The following PRKD1 variants were observed in gnomAD, a reference collection of about 807,000 sequenced individuals.
PRKD1 encodes serine/threonine-protein kinase D1.
Under a neutral mutation model 95.9 loss-of-function variants are expected in PRKD1, and 63 were observed. That is an observed-to-expected ratio of 0.66 (90% CI 0.54 to 0.81). The LOEUF (loss-of-function observed/expected upper bound fraction) is 0.81. PRKD1 is among the 30% of genes least tolerant of loss of function. The probability of loss-of-function intolerance (pLI) is 0.00; values close to 1 mark genes in which losing one functional copy is unlikely to be tolerated. For missense variants in PRKD1, 1,048 were observed against 1,165.3 expected (o/e 0.90, Z 1.47); for synonymous variants, 425 against 423.1 (o/e 1.00, Z -0.05).
At chr14:29,826,846 T>TATATATATACATATATATATACACAC in intron 1 of PRKD1, among the ~76,000 whole-genome samples, 1 of 51,780 alleles carries the variant, frequency 1.9e-5, no homozygotes, top group Non-Finnish European at 3.2e-5. Context: ...TATACACACA[T>TATATATATACATATATATATACACAC]ATATATATAT....
chr14:29,690,900 C>G (rs1884193684), intron 2 of PRKD1, among the ~76,000 whole-genome samples: 1 of 152,120 alleles, frequency 6.6e-6, no homozygotes, highest in African/African-American at 2.4e-5. Flanking sequence ...CTCTTAACTT[C>G]CCTTTTCTCT....
At chr14:29,874,686 A>G (rs115254963) in intron 1 of PRKD1, among the ~76,000 whole-genome samples, 1,672 of 152,310 alleles carry the variant, frequency 0.011, 26 homozygotes, top group African/African-American at 0.039. Flanking sequence ...GTCATTTGCA[A>G]CAACATGGAC....
intron 1 of PRKD1, among the ~76,000 whole-genome samples, chr14:29,845,148 T>C (rs1358421984): frequency 6.6e-6 from 1 of 152,210 alleles, no homozygotes; most frequent in East Asian, 1.9e-4. Context: ...TTTTCTACAA[T>C]GCTGGATAAT....
chr14:29,663,607 C>T, intron 4 of PRKD1, 92 bp downstream of exon 4: 2 of 1,438,472 alleles, frequency 1.4e-6, no homozygotes, highest in Non-Finnish European at 1.9e-6. Context: ...TGCATTCTCC[C>T]TCCTAGCGCC....
rs936053087 is a variant in PRKD1 at position 29,576,586 on chromosome 14, A to T, written c.*652T>A. 3 of 153,896 alleles carry T rather than the reference A, an allele frequency of 1.9e-5. No individual in the cohort carries two copies. The highest frequency in any genetic ancestry group is 2.0e-4 in the South Asian group (1 of 4,896). 9.5% of individuals were successfully genotyped at this position (153,896 alleles called of 1,614,324 possible). A position where few individuals can be genotyped will look rare whatever the true frequency, so the allele number is the denominator to read the frequency against. ...AGTATTATAAGAAAGAGGGAAATGT[A>T]TCTGTTATATATGGCAGTTTACATT... On this transcript the variant is annotated 3_prime_UTR_variant, in exon 18 of 18. Transcript: ENST00000331968.
Position 29,785,833 on chromosome 14 carries a change from TA to T in PRKD1, c.265-60160del, listed in dbSNP as rs1016053730. Among the ~76,000 whole-genome samples, 84 of 141,728 alleles carry T rather than the reference TA, an allele frequency of 5.9e-4. 2 individuals are homozygous for T. In the East Asian group the frequency reaches 0.01, roughly 17 times the overall value. 93.0% of individuals were successfully genotyped at this position (141,728 alleles called of 152,430 possible). A position where few individuals can be genotyped will look rare whatever the true frequency, so the allele number is the denominator to read the frequency against. On this transcript the variant is annotated intron_variant, in intron 1 of 17. Transcript: ENST00000331968. ...AACTTAAAGTATAATCATAATAAAATAAAATAAATAAATAAATAAATAAATA... is the reference window on the plus strand; with the variant it reads ...AACTTAAAGTATAATCATAATAAAATAAATAAATAAATAAATAAATAAATA...
intron 1 of PRKD1, among the ~76,000 whole-genome samples, chr14:29,763,736 G>A (rs1888131780): frequency 6.6e-6 from 1 of 152,088 alleles, no homozygotes; most frequent in Non-Finnish European, 1.5e-5. Context: ...ACTGGAGGGG[G>A]AACTGAGCAC....
chr14:29,769,279 T>C (rs1200501556), intron 1 of PRKD1, among the ~76,000 whole-genome samples: 3 of 151,984 alleles, frequency 2.0e-5, no homozygotes, highest in Non-Finnish European at 4.4e-5. Flanking sequence ...AATAAAAGAA[T>C]CCATGCCAGC....
chr14:29,632,748 T>C lies in PRKD1; in HGVS notation c.1392+121A>G, dbSNP rs548166949. 7 of 851,568 alleles carry C rather than the reference T, an allele frequency of 8.2e-6. No individual in the cohort carries two copies. In the East Asian group the frequency reaches 1.0e-4, roughly 12 times the overall value. The allele number at this position is 851,568 out of a possible 1,614,324, so 52.8% of individuals were successfully genotyped here. On this transcript the variant is annotated intron_variant, in intron 9 of 17. Transcript: ENST00000331968. Reference sequence around the variant, plus strand: ...ACTATAGAGAAGAAAAAAAAAATAGTTCCTGGAGGAAGCACAAAAATAGCC... The same window carrying C: ...ACTATAGAGAAGAAAAAAAAAATAGCTCCTGGAGGAAGCACAAAAATAGCC...
intron 9 of PRKD1, among the ~76,000 whole-genome samples, chr14:29,632,496 A>T (rs1880071587): frequency 6.6e-6 from 1 of 151,904 alleles, no homozygotes; most frequent in African/African-American, 2.4e-5. Flanking sequence ...ATGTTTCTTC[A>T]CTCCTAGCAG....
chr14:29,819,127 T>C (rs1193395187), intron 1 of PRKD1, among the ~76,000 whole-genome samples: 1 of 152,196 alleles, frequency 6.6e-6, no homozygotes, highest in Non-Finnish European at 1.5e-5. Context: ...GACCCAAGGC[T>C]GTATCCTGTA....
chr14:29,643,798 C>T lies in PRKD1; in HGVS notation c.697-4894G>A, dbSNP rs569150271. On this transcript the variant is annotated intron_variant, in intron 4 of 17. Coordinates refer to ENST00000331968, the MANE Select transcript of PRKD1 (RefSeq NM_002742.3). Reference sequence around the variant, plus strand: ...CGTAAAAAATCAAACATAAAATTCTCTGAGATAAAAGTCACTTGACAATAA... The same window carrying T: ...CGTAAAAAATCAAACATAAAATTCTTTGAGATAAAAGTCACTTGACAATAA... Among the ~76,000 whole-genome samples the T allele has an allele frequency of 2.8e-4, 42 of 152,274 alleles. 1 individual carries two copies. The highest frequency in any genetic ancestry group is 9.9e-4 in the African/African-American group (41 of 41,576).
rs1281629641 is a variant in PRKD1 at position 29,685,565 on chromosome 14, G to A, written c.404-19357C>T. Among the ~76,000 whole-genome samples, 3 of 152,222 alleles carry A rather than the reference G, an allele frequency of 2.0e-5. No individual in the cohort carries two copies. In the East Asian group the frequency reaches 5.8e-4, roughly 29 times the overall value. ...GATTCTTTGAACTGAACAAAAATGG[G>A]GATGGTTAAAATTCCAAATCTTGAG... is the stretch of plus-strand genomic sequence containing the variant. On this transcript the variant is annotated intron_variant, in intron 2 of 17. Transcript: ENST00000331968.
intron 13 of PRKD1, among the ~76,000 whole-genome samples, chr14:29,623,384 C>T (rs751154602): frequency 3.3e-5 from 5 of 151,892 alleles, no homozygotes; most frequent in Non-Finnish European, 7.4e-5. Context: ...TGAAATGTTC[C>T]GTTTTGCGAA....
intron 1 of PRKD1, among the ~76,000 whole-genome samples, chr14:29,890,127 C>T (rs1893886807): frequency 6.6e-6 from 1 of 152,120 alleles, no homozygotes; most frequent in African/African-American, 2.4e-5. Flanking sequence ...AATACTTTTG[C>T]CAGCATTTTA....
intron 13 of PRKD1, among the ~76,000 whole-genome samples, chr14:29,603,387 G>C (rs1388287072): frequency 1.3e-5 from 2 of 152,062 alleles, no homozygotes; most frequent in Non-Finnish European, 2.9e-5. Context: ...TTTTATATTT[G>C]ATAGTAACAA....
chr14:29,715,043 G>A (rs1454603633), intron 2 of PRKD1, among the ~76,000 whole-genome samples: 4 of 152,118 alleles, frequency 2.6e-5, no homozygotes, highest in African/African-American at 7.2e-5. Context: ...ATCCACCATG[G>A]CACATGTATA....
chr14:29,675,022 A>C (rs1883073182), intron 2 of PRKD1, among the ~76,000 whole-genome samples: 1 of 152,208 alleles, frequency 6.6e-6, no homozygotes, highest in Non-Finnish European at 1.5e-5. Context: ...AAGAAGAAAC[A>C]GTTCAACAAT....
intron 1 of PRKD1, among the ~76,000 whole-genome samples, chr14:29,887,264 C>G (rs958834410): frequency 2.6e-4 from 40 of 152,190 alleles, no homozygotes; most frequent in African/African-American, 9.7e-4. Flanking sequence ...CGCTACTGCT[C>G]TCTTTTCCTC....
Sources: gnomAD v4.1 joint callset for allele counts (sites outside exome capture counted in the v4.1 genomes callset) on GRCh38, gnomAD v4.1.1 for gene constraint, MANE v1.5 for transcripts, NCBI Gene and HGNC (gene_info 2026-07-23, HGNC 2026-07-21) for gene names.